SAMMSON: variants seen among roughly 807,000 people sequenced by gnomAD.
SAMMSON encodes long intergenic non-protein coding RNA 1212.
chr3:70,358,709 T>C (rs1419921152), intron 9 of SAMMSON, among the ~76,000 whole-genome samples: 1 of 152,152 alleles, frequency 6.6e-6, no homozygotes, highest in African/African-American at 2.4e-5. Flanking sequence ...TGAAGCCAAC[T>C]TACTTTTGTT....
chr3:70,029,762 A>G (rs1275721404), intron 3 of SAMMSON, among the ~76,000 whole-genome samples: 1 of 152,090 alleles, frequency 6.6e-6, no homozygotes, highest in African/African-American at 2.4e-5. Flanking sequence ...CAAAAAAAAA[A>G]AAAAAAAGCC....
chr3:70,274,086 T>C (rs1349194761), intron 6 of SAMMSON, among the ~76,000 whole-genome samples: 1 of 146,592 alleles, frequency 6.8e-6, no homozygotes, highest in East Asian at 2.0e-4. Flanking sequence ...TGTGTGTGTG[T>C]GTGTGCGCGC....
intron 4 of SAMMSON, among the ~76,000 whole-genome samples, chr3:70,184,557 C>G (rs1576146882): frequency 6.6e-6 from 1 of 152,174 alleles, no homozygotes; most frequent in Non-Finnish European, 1.5e-5. Context: ...TAACACGTAT[C>G]TTTAGTCCTC....
chr3:70,433,809 C>T (rs1430623789), intron 2 of SAMMSON, among the ~76,000 whole-genome samples: 1 of 152,010 alleles, frequency 6.6e-6, no homozygotes, highest in African/African-American at 2.4e-5. Context: ...TTTTGAGTTA[C>T]TTTTTATGAA....
At chr3:70,381,866 A>G (rs1446500624) in intron 9 of SAMMSON, among the ~76,000 whole-genome samples, 1 of 152,098 alleles carries the variant, frequency 6.6e-6, no homozygotes, top group Non-Finnish European at 1.5e-5. Flanking sequence ...ATTTGTTTAT[A>G]TTGTTTGGGT....
chr3:70,311,400 T>G (rs1702452328), intron 7 of SAMMSON, among the ~76,000 whole-genome samples: 1 of 152,224 alleles, frequency 6.6e-6, no homozygotes, highest in Non-Finnish European at 1.5e-5. Flanking sequence ...GCAACCATTT[T>G]ACGCATGCGG....
chr3:70,227,724 C>T (rs1451647482), intron 4 of SAMMSON, among the ~76,000 whole-genome samples: 1 of 152,188 alleles, frequency 6.6e-6, no homozygotes, highest in Non-Finnish European at 1.5e-5. Context: ...AATGAATAAG[C>T]TCTGATAATT....
chr3:70,061,204 G>A (rs1365021078), intron 3 of SAMMSON, among the ~76,000 whole-genome samples: 1 of 151,982 alleles, frequency 6.6e-6, no homozygotes, highest in African/African-American at 2.4e-5. Context: ...ATGAATTTGG[G>A]TTTGCGTGTG....
chr3:70,335,996 G>C (rs1453280199), intron 7 of SAMMSON, among the ~76,000 whole-genome samples: 2 of 151,918 alleles, frequency 1.3e-5, no homozygotes, highest in Admixed American at 6.6e-5. Flanking sequence ...GCTGAAGTTA[G>C]GAACTGGTAT....
chr3:70,234,892 C>A (rs914189993), intron 4 of SAMMSON, among the ~76,000 whole-genome samples: 1 of 152,124 alleles, frequency 6.6e-6, no homozygotes, highest in African/African-American at 2.4e-5. Context: ...ACTTTTTAAA[C>A]GCTGCCTTGG....
chr3:70,285,428 A>G (rs960929974), intron 6 of SAMMSON, among the ~76,000 whole-genome samples: 8 of 151,960 alleles, frequency 5.3e-5, no homozygotes, highest in African/African-American at 1.2e-4. Context: ...TGGTGTATAT[A>G]TGCCACATTT....
chr3:70,379,703 C>G lies in SAMMSON; in HGVS notation n.914-9871C>G, dbSNP rs999155556. ...TGAAGACCATCTGCTTATAGCTTTC[C>G]CAGCAGCTTAGCAAAAAATTCCTTT... On this transcript the variant is annotated intron_variant and non_coding_transcript_variant, in intron 9 of 9. Transcript: ENST00000642114. Among the ~76,000 whole-genome samples, 4 of 152,076 alleles carry G rather than the reference C, an allele frequency of 2.6e-5. No individual in the cohort carries two copies. In the East Asian group the frequency reaches 7.7e-4, roughly 29 times the overall value.
At chr3:70,302,640 C>T (rs1482185327) in intron 7 of SAMMSON, 1 of 152,166 alleles carries the variant, frequency 6.6e-6, no homozygotes. Context: ...GGTTCCTGGT[C>T]TCTACAGATT....
intron 3 of SAMMSON, among the ~76,000 whole-genome samples, chr3:70,071,280 T>C (rs997640577): frequency 7.1e-6 from 1 of 141,768 alleles, no homozygotes; most frequent in Non-Finnish European, 1.6e-5. Flanking sequence ...TCTTCAGTTA[T>C]GCGTAGATGC....
At chr3:70,079,682 G>C (rs1477338131) in intron 4 of SAMMSON, among the ~76,000 whole-genome samples, 3 of 152,138 alleles carry the variant, frequency 2.0e-5, no homozygotes, top group Non-Finnish European at 4.4e-5. Flanking sequence ...TATGATGTTT[G>C]GTAGGTTAGG....
In SAMMSON at chr3:70,165,822, A is replaced by G. The variant is rs537837095; in HGVS notation, n.508-83285A>G. Among the ~76,000 whole-genome samples, 59 of 152,114 alleles carry G rather than the reference A, an allele frequency of 3.9e-4. No individual in the cohort carries two copies. The South Asian group carries it at 0.011, about 29-fold the overall frequency. On this transcript the variant is annotated intron_variant and non_coding_transcript_variant, in intron 4 of 9. Coordinates refer to ENST00000642114, the Ensembl canonical transcript of SAMMSON. ...GTCATGGATATGTCTCCAAAATTCA[A>G]TGCATCATATTCCCAAAGCTATTGC...
At chr3:70,121,144 T>C (rs1298734534) in intron 4 of SAMMSON, among the ~76,000 whole-genome samples, 2 of 152,270 alleles carry the variant, frequency 1.3e-5, no homozygotes, top group Admixed American at 1.3e-4. Flanking sequence ...CCTATAAGAA[T>C]CTAACGCCAC....
chr3:70,019,659 T>A (rs2067002767), intron 3 of SAMMSON, among the ~76,000 whole-genome samples: 1 of 152,248 alleles, frequency 6.6e-6, no homozygotes, highest in South Asian at 2.1e-4. Context: ...CGTCAGTTGA[T>A]GCAGTTTCTT....
chr3:70,316,273 A>G (rs1224494980), intron 7 of SAMMSON, among the ~76,000 whole-genome samples: 2 of 152,156 alleles, frequency 1.3e-5, no homozygotes, highest in Non-Finnish European at 1.5e-5. Flanking sequence ...TGCTATCACG[A>G]GTCCTTTTGC....
Sources: allele counts gnomAD v4.1 joint callset (sites outside exome capture counted in the v4.1 genomes callset), GRCh38; gene constraint gnomAD v4.1.1; transcripts MANE v1.5; gene names NCBI Gene and HGNC (gene_info 2026-07-23, HGNC 2026-07-21).